NR6A1: variants seen among roughly 807,000 people sequenced by gnomAD.
The protein encoded by NR6A1 is retinoic acid receptor-related testis-associated receptor.
Under a neutral mutation model 59.1 loss-of-function variants are expected in NR6A1, and 7 were observed. The observed-to-expected ratio is 0.12, with a 90% CI of 0.07 to 0.22. NR6A1 has a LOEUF of 0.22. Among genes scored for constraint, NR6A1 ranks in the 10% least tolerant of loss-of-function variants. NR6A1 has a pLI of 1.00. For synonymous variants in NR6A1, 243 were observed against 236.1 expected (o/e 1.03, Z -0.27); for missense variants, 468 against 611.6 (o/e 0.77, Z 2.48).
chr9:124,525,680 T>C, intron 8 of NR6A1, among the ~76,000 whole-genome samples: 1 of 146,166 alleles, frequency 6.8e-6, no homozygotes, highest in African/African-American at 2.5e-5. Context: ...TAAATAGATC[T>C]CTCTCTCTCT....
intron 1 of NR6A1, among the ~76,000 whole-genome samples, chr9:124,744,602 C>G (rs1233272070): frequency 1.3e-5 from 2 of 152,224 alleles, no homozygotes; most frequent in African/African-American, 2.4e-5. Flanking sequence ...CCCATAACAG[C>G]AGGACCTCAA....
chr9:124,526,280 A>ATGTGTGTGTG (rs1308675712), intron 8 of NR6A1, among the ~76,000 whole-genome samples: 2 of 144,826 alleles, frequency 1.4e-5, no homozygotes, highest in South Asian at 4.3e-4. Flanking sequence ...GATTGTGTGT[A>ATGTGTGTGTG]TGTGTGTATG....
intron 7 of NR6A1, among the ~76,000 whole-genome samples, chr9:124,529,504 A>T (rs780543058): frequency 6.6e-6 from 1 of 152,190 alleles, no homozygotes; most frequent in Non-Finnish European, 1.5e-5. Flanking sequence ...TGGCTACCCC[A>T]AGGTTGCACG....
chr9:124,644,245 A>C (rs1331357489), intron 2 of NR6A1, among the ~76,000 whole-genome samples: 1 of 144,782 alleles, frequency 6.9e-6, no homozygotes, highest in Non-Finnish European at 1.5e-5. Flanking sequence ...AGAGGTGTAT[A>C]CTGATCCTCT....
In NR6A1 at chr9:124,522,200, A is replaced by T. The variant is rs1287613597; in HGVS notation, c.*505T>A. 1 of 155,630 alleles carries T rather than the reference A, an allele frequency of 6.4e-6. No homozygotes were observed. The highest frequency in any genetic ancestry group is 1.4e-5 in the Non-Finnish European group (1 of 69,960). 9.6% of individuals were successfully genotyped at this position (155,630 alleles called of 1,614,324 possible). On this transcript the variant is annotated 3_prime_UTR_variant, in exon 10 of 10. Coordinates refer to ENST00000487099, the MANE Select transcript of NR6A1 (RefSeq NM_033334.4). ...TTGCCCCCTTACAGTGTGCCGTTTTATCTGGCAATTCTGTGGCTAAAAAAG... is the reference window on the plus strand; with the variant it reads ...TTGCCCCCTTACAGTGTGCCGTTTTTTCTGGCAATTCTGTGGCTAAAAAAG...
intron 2 of NR6A1, among the ~76,000 whole-genome samples, chr9:124,590,537 G>C (rs2130797049): frequency 6.6e-6 from 1 of 152,292 alleles, no homozygotes; most frequent in African/African-American, 2.4e-5. Flanking sequence ...AAGGAGATCT[G>C]TAGTTTAGGT....
At chr9:124,730,209 A>C (rs978043570) in intron 2 of NR6A1, among the ~76,000 whole-genome samples, 1 of 152,208 alleles carries the variant, frequency 6.6e-6, no homozygotes, top group Non-Finnish European at 1.5e-5. Flanking sequence ...TGAGAATATT[A>C]CCCACATACG....
chr9:124,679,008 G>A (rs1838043418), intron 2 of NR6A1, among the ~76,000 whole-genome samples: 1 of 152,066 alleles, frequency 6.6e-6, no homozygotes, highest in Admixed American at 6.6e-5. Flanking sequence ...TTGGAAACTA[G>A]CCTAAGCAAC....
chr9:124,613,886 A>C (rs1588710232), intron 2 of NR6A1, among the ~76,000 whole-genome samples: 1 of 152,342 alleles, frequency 6.6e-6, no homozygotes, highest in East Asian at 1.9e-4. Context: ...ACCCTAGCCA[A>C]GATGGAGTAA....
At chr9:124,542,324 C>G (rs1318827503) in intron 4 of NR6A1, among the ~76,000 whole-genome samples, 2 of 152,164 alleles carry the variant, frequency 1.3e-5, no homozygotes, top group Non-Finnish European at 2.9e-5. Context: ...AATCACACAG[C>G]CTGATTGAAT....
intron 2 of NR6A1, among the ~76,000 whole-genome samples, chr9:124,605,263 C>T (rs747786727): frequency 1.3e-4 from 20 of 152,158 alleles, no homozygotes; most frequent in Non-Finnish European, 2.4e-4. Context: ...AAACCACCAA[C>T]GTCTCAACTT....
At chr9:124,598,660 A>AAC (rs1554731661) in intron 2 of NR6A1, 1 of 396,590 alleles carries the variant, frequency 2.5e-6, no homozygotes, top group African/African-American at 2.2e-5. Flanking sequence ...AAAAAAAAAA[A>AAC]AAAAAAAAAC....
In NR6A1 at chr9:124,569,069, C is replaced by A. The variant is rs1359810741; in HGVS notation, c.143-14499G>T. On this transcript the variant is annotated intron_variant, in intron 2 of 9. Transcript: ENST00000487099. ...CGGAGCTTGCAGTGAGCCAAGATCA[C>A]GCCACCTCACTCCAGCCTGGGTGAC... Among the ~76,000 whole-genome samples the A allele has an allele frequency of 2.0e-5, 3 of 150,618 alleles. No individual in the cohort carries two copies. The East Asian group carries it at 5.8e-4, about 29-fold the overall frequency.
At chr9:124,611,774 A>AGAGAGAGAGAGAGAGAATGAGAGAGAAT (rs148472095) in intron 2 of NR6A1, among the ~76,000 whole-genome samples, 1 of 105,666 alleles carries the variant, frequency 9.5e-6, no homozygotes, top group African/African-American at 4.7e-5. Flanking sequence ...AGAGAGAGAG[A>AGAGAGAGAGAGAGAGAATGAGAGAGAAT]GAGAGAGAAT....
chr9:124,566,623 G>A (rs1249111454), intron 2 of NR6A1, among the ~76,000 whole-genome samples: 1 of 152,208 alleles, frequency 6.6e-6, no homozygotes, highest in East Asian at 1.9e-4. Flanking sequence ...CTACTGAAAT[G>A]TTTGAACAGG....
At chr9:124,657,497 T>C (rs531984976) in intron 2 of NR6A1, among the ~76,000 whole-genome samples, 3 of 152,316 alleles carry the variant, frequency 2.0e-5, no homozygotes, top group African/African-American at 7.2e-5. Context: ...ACAAAACAAC[T>C]TTACTGTTTT....
chr9:124,725,732 G>C (rs568233944), intron 2 of NR6A1, among the ~76,000 whole-genome samples: 1 of 152,196 alleles, frequency 6.6e-6, no homozygotes. Flanking sequence ...GAGCCCAGGA[G>C]TTTGAGACCA....
intron 2 of NR6A1, among the ~76,000 whole-genome samples, chr9:124,602,723 G>A (rs1835479345): frequency 6.6e-6 from 1 of 152,168 alleles, no homozygotes; most frequent in South Asian, 2.1e-4. Context: ...AGAATTCTGG[G>A]AAAAGGCAAG....
chr9:124,594,354 T>A (rs996149349), intron 2 of NR6A1, among the ~76,000 whole-genome samples: 3 of 152,184 alleles, frequency 2.0e-5, no homozygotes, highest in African/African-American at 7.2e-5. Context: ...TGTGCAAACC[T>A]TTTTTCTCTT....
Sources: gnomAD v4.1 joint callset for allele counts (sites outside exome capture counted in the v4.1 genomes callset) on GRCh38, gnomAD v4.1.1 for gene constraint, MANE v1.5 for transcripts, NCBI Gene and HGNC (gene_info 2026-07-23, HGNC 2026-07-21) for gene names.